Variants in STON2 observed in about 807,000 individuals in gnomAD.
The protein encoded by STON2 is stonin-2.
STON2 carries 29 observed loss-of-function variants against 65.7 expected under a neutral mutation model. The observed-to-expected ratio is 0.44, with a 90% confidence interval of 0.33 to 0.60. The LOEUF is 0.60. Ranked by LOEUF, STON2 falls within the 20% of genes least tolerant of loss-of-function variation. The pLI is 0.03. For missense variants in STON2, 1,054 were observed against 1,118.1 expected, an observed-to-expected ratio of 0.94 and a Z score of 0.82; for synonymous variants, 404 against 414.2, an observed-to-expected ratio of 0.98 and a Z score of 0.30.
intron 7 of STON2, chr14:81,269,460 G>GAAA (rs1894485402): frequency 1.0e-5 from 10 of 985,426 alleles, no homozygotes; most frequent in Non-Finnish European, 1.2e-5. Context: ...CGAAATCTTT[G>GAAA]ATAGCTCAGG....
chr14:81,305,154 T>C (rs1030786114), intron 5 of STON2, among the ~76,000 whole-genome samples: 5 of 152,262 alleles, frequency 3.3e-5, no homozygotes, highest in African/African-American at 1.2e-4. Context: ...TGTGTGAATG[T>C]GACACAATTT....
At chr14:81,312,616 A>G (rs942533763) in intron 5 of STON2, among the ~76,000 whole-genome samples, 2 of 152,190 alleles carry the variant, frequency 1.3e-5, no homozygotes, top group African/African-American at 4.8e-5. Flanking sequence ...CCTCCAACCT[A>G]AGGAATTCTC....
intron 4 of STON2, among the ~76,000 whole-genome samples, chr14:81,327,765 G>T (rs1309863661): frequency 6.6e-6 from 1 of 151,960 alleles, no homozygotes; most frequent in African/African-American, 2.4e-5. Flanking sequence ...TTCCACCTAC[G>T]TATTTCATTA....
chr14:81,281,708 T>A (rs1335526930), intron 5 of STON2, among the ~76,000 whole-genome samples: 2 of 152,200 alleles, frequency 1.3e-5, no homozygotes, highest in African/African-American at 4.8e-5. Context: ...CTACTGAAGA[T>A]CATTTTCTTA....
At chr14:81,286,912 G>A (rs1895353831) in intron 5 of STON2, among the ~76,000 whole-genome samples, 1 of 152,166 alleles carries the variant, frequency 6.6e-6, no homozygotes, top group African/African-American at 2.4e-5. Flanking sequence ...AGTAACTCTA[G>A]TATTTCCTTA....
At chr14:81,297,134 G>A (rs17111687) in intron 5 of STON2, among the ~76,000 whole-genome samples, 2,509 of 152,202 alleles carry the variant, frequency 0.016, 69 homozygotes, top group African/African-American at 0.051. Context: ...CTGGAAGGAC[G>A]GAAAGATAAA....
intron 2 of STON2, among the ~76,000 whole-genome samples, chr14:81,411,770 G>A (rs1250381300): frequency 6.6e-6 from 1 of 152,148 alleles, no homozygotes; most frequent in Non-Finnish European, 1.5e-5. Context: ...CACAGATATA[G>A]ACCCTGCCTT....
In STON2 at chr14:81,263,902, G is replaced by A; in HGVS notation, c.*4512C>T. 2 of 985,362 alleles carry A rather than the reference G, an allele frequency of 2.0e-6. No homozygotes were observed. Among genetic ancestry groups the A allele is most frequent in the Non-Finnish European group, 1.2e-6 (1 of 829,922 alleles). 61.0% of individuals were successfully genotyped at this position (985,362 alleles called of 1,614,324 possible). A position where few individuals can be genotyped will look rare whatever the true frequency, so the allele number is the denominator to read the frequency against. On this transcript the variant is annotated 3_prime_UTR_variant, in exon 8 of 8. Coordinates refer to ENST00000614646, the MANE Select transcript of STON2 (RefSeq NM_001394390.1). Reference sequence around the variant, plus strand: ...TTATGGTGAAATATATATCACCTCTGAAATCATGACTTTATCTCACAAATT... The same window carrying A: ...TTATGGTGAAATATATATCACCTCTAAAATCATGACTTTATCTCACAAATT...
intron 4 of STON2, among the ~76,000 whole-genome samples, chr14:81,365,640 C>G (rs1289915052): frequency 6.6e-6 from 1 of 152,188 alleles, no homozygotes; most frequent in Non-Finnish European, 1.5e-5. Context: ...CCTGTGGTCC[C>G]AGCTACTCAG....
intron 5 of STON2, among the ~76,000 whole-genome samples, chr14:81,294,108 GATGA>G (rs1377156276): frequency 6.6e-6 from 1 of 152,176 alleles, no homozygotes; most frequent in Non-Finnish European, 1.5e-5. Context: ...ACAAGAGATA[GATGA>G]AAAGATCCTT....
intron 7 of STON2, chr14:81,270,181 G>A: frequency 6.8e-6 from 3 of 443,182 alleles, no homozygotes; most frequent in African/African-American, 2.1e-5. Flanking sequence ...CAACCTCCCA[G>A]AGTCAAGTGA....
intron 5 of STON2, among the ~76,000 whole-genome samples, chr14:81,307,039 C>T (rs982774514): frequency 1.3e-5 from 2 of 152,180 alleles, no homozygotes; most frequent in Admixed American, 6.5e-5. Flanking sequence ...GGGAGGTGCA[C>T]ACCTATAGAA....
At chr14:81,369,164 G>A (rs1898874700) in intron 4 of STON2, among the ~76,000 whole-genome samples, 1 of 152,070 alleles carries the variant, frequency 6.6e-6, no homozygotes. Flanking sequence ...TCCAGCGCTT[G>A]CTTTCTCTGT....
intron 6 of STON2, among the ~76,000 whole-genome samples, chr14:81,272,178 C>T (rs1170177822): frequency 2.0e-5 from 3 of 152,254 alleles, no homozygotes; most frequent in South Asian, 2.1e-4. Flanking sequence ...GCCAAGATTG[C>T]GCCGCTGCAC....
chr14:81,269,473 A>G (rs1894485750), intron 7 of STON2: 1 of 985,346 alleles, frequency 1.0e-6, no homozygotes, highest in Non-Finnish European at 1.2e-6. Context: ...AGCTCAGGCA[A>G]GGAATTCTTT....
intron 5 of STON2, among the ~76,000 whole-genome samples, chr14:81,295,326 AAAAAG>A (rs975468265): frequency 8.5e-5 from 13 of 152,196 alleles, no homozygotes; most frequent in East Asian, 1.9e-4. Flanking sequence ...CTCCATCTCA[AAAAAG>A]AAAAGAAAAG....
At chr14:81,374,602 A>G (rs995045263) in intron 3 of STON2, among the ~76,000 whole-genome samples, 1 of 152,082 alleles carries the variant, frequency 6.6e-6, no homozygotes, top group East Asian at 1.9e-4. Context: ...TAAAAATATG[A>G]AAAAGGAGCA....
chr14:81,366,572 G>C (rs1898738289), intron 4 of STON2, among the ~76,000 whole-genome samples: 1 of 152,012 alleles, frequency 6.6e-6, no homozygotes, highest in Admixed American at 6.5e-5. Flanking sequence ...GGCACGGCAG[G>C]GGGTGGGGGG....
chr14:81,334,726 C>A (rs1897312597), intron 4 of STON2, among the ~76,000 whole-genome samples: 1 of 152,166 alleles, frequency 6.6e-6, no homozygotes, highest in South Asian at 2.1e-4. Flanking sequence ...AGAAATAGGG[C>A]AGAAGGGTGA....
Sources: allele counts gnomAD v4.1 joint callset (sites outside exome capture counted in the v4.1 genomes callset), GRCh38; gene constraint gnomAD v4.1.1; transcripts MANE v1.5; gene names NCBI Gene and HGNC (gene_info 2026-07-23, HGNC 2026-07-21).